SEC14L2: variants seen among roughly 807,000 people sequenced by gnomAD.
SEC14L2 encodes SEC14 like lipid binding 2.
A neutral mutation model predicts 56.9 loss-of-function variants in SEC14L2; 50 were observed. The ratio of observed to expected loss-of-function variants is 0.88; its 90% CI spans 0.70 to 1.11. SEC14L2 has a LOEUF of 1.11. SEC14L2 is among the 50% of genes most tolerant of loss of function. SEC14L2 has a pLI of 0.00. For missense variants in SEC14L2, 414 were observed against 500.7 expected, an observed-to-expected ratio of 0.83 and a Z score of 1.65; for synonymous variants, 179 against 188.5, an observed-to-expected ratio of 0.95 and a Z score of 0.41.
chr22:30,406,078 GCT>G (rs1462905416), intron 2 of SEC14L2, among the ~76,000 whole-genome samples: 1 of 152,050 alleles, frequency 6.6e-6, no homozygotes, highest in Non-Finnish European at 1.5e-5. Flanking sequence ...CTGGAGTAAA[GCT>G]CTCTTGACCC....
rs752381363 is a variant in SEC14L2 at position 30,409,228 on chromosome 22, C to T, written c.465C>T (p.Cys155=). 2.4e-5 allele frequency: 38 copies of T among 1,613,144 alleles called. No individual in the cohort carries two copies. Among genetic ancestry groups the T allele is most frequent in the Admixed American group, 1.8e-4 (11 of 59,894 alleles). Reference sequence around the variant, plus strand: ...AGACCATCACCATAATTTATGACTGCGAGGGGCTTGGCCTCAAGCATCTCT... The same window carrying T: ...AGACCATCACCATAATTTATGACTGTGAGGGGCTTGGCCTCAAGCATCTCT... ...KVETITIIYD[C]EGLGLKHLWK... The change falls in exon 6 of 12, where the codon TGC becomes TGT. Residue 155 remains cysteine (C), a synonymous_variant. Transcript: ENST00000615189.
chr22:30,409,651 A>C (rs902540386), intron 7 of SEC14L2, among the ~76,000 whole-genome samples, 165 bp downstream of exon 7: 6 of 152,192 alleles, frequency 3.9e-5, no homozygotes, highest in African/African-American at 1.4e-4. Context: ...TAACCCCAGC[A>C]CTTTGGGAGG....
At chr22:30,416,774 C>G in intron 11 of SEC14L2, 1 of 1,243,454 alleles carries the variant, frequency 8.0e-7, no homozygotes, top group Non-Finnish European at 1.0e-6. Context: ...GCTGGGTGGG[C>G]ATGGGATCAC....
At position 30,422,359 on chromosome 22, in the gene SEC14L2, A is replaced by G. The variant is rs1459422882; in HGVS notation, c.1164A>G (p.Lys388=). The G allele has an allele frequency of 6.2e-7, 1 of 1,614,222 alleles. No homozygotes were observed. Among genetic ancestry groups the G allele is most frequent in the East Asian group, 2.2e-5 (1 of 44,880 alleles). Residue 388 remains lysine, a synonymous_variant, in exon 12 of 12, where the codon AAA becomes AAG. Transcript: ENST00000615189. ...CTGTGGAGGTCCTGCTTCCAGACAAAGCCTCAGAAGAGAAGATGAAACAGC... is the reference window on the plus strand; with the variant it reads ...CTGTGGAGGTCCTGCTTCCAGACAAGGCCTCAGAAGAGAAGATGAAACAGC... ...NFTVEVLLPD[K]ASEEKMKQLG... is the part of the protein sequence containing the mutation.
intron 8 of SEC14L2, 96 bp from the exon 9 acceptor site, chr22:30,415,663 G>T: frequency 9.3e-7 from 1 of 1,078,992 alleles, no homozygotes; most frequent in Non-Finnish European, 1.4e-6. Flanking sequence ...CAATGGATGG[G>T]TTTTTTCTGC....
At position 30,409,124 on chromosome 22, in the gene SEC14L2, G is replaced by GACTGGA. The variant is rs1471299372; in HGVS notation, c.424-60_424-55dup. 4 of 1,413,860 alleles carry GACTGGA rather than the reference G, an allele frequency of 2.8e-6. No homozygotes were observed. The African/African-American group carries it at 5.6e-5, about 20-fold the overall frequency. 87.6% of individuals were successfully genotyped at this position (1,413,860 alleles called of 1,614,324 possible). ...ATGCACAGTGCAATCATTTGGCCTG[G>GACTGGA]ACTGGAACGGGCTTCTGAAGTAGGA... On this transcript the variant is annotated intron_variant, in intron 5 of 11. Coordinates refer to ENST00000615189, the MANE Select transcript of SEC14L2 (RefSeq NM_012429.5).
intron 1 of SEC14L2, chr22:30,397,991 C>T: frequency 2.4e-6 from 1 of 416,784 alleles, no homozygotes; most frequent in Admixed American, 2.7e-5. Flanking sequence ...GAGGTCGGCT[C>T]TTCTCTGGGC....
At chr22:30,412,859 C>CA (rs66730675) in intron 8 of SEC14L2, among the ~76,000 whole-genome samples, 48 of 134,568 alleles carry the variant, frequency 3.6e-4, no homozygotes, top group East Asian at 1.5e-3. Context: ...AAAAAAAAAA[C>CA]AAAAAAAACT....
chr22:30,404,009 C>CAAAAAAAAAAAAAA (rs67366822), intron 2 of SEC14L2, among the ~76,000 whole-genome samples: 48 of 93,222 alleles, frequency 5.1e-4, no homozygotes, highest in Admixed American at 6.6e-4. Context: ...GACTCCGTCT[C>CAAAAAAAAAAAAAA]AAAAAAAAAA....
Position 30,407,404 on chromosome 22 carries a change from T to C in SEC14L2, c.235-11T>C. ...CTGCTGACCAGGTGGCTCCTCTGTGTCTTTGCCCAGGTGATCCAACAGTAT... is the reference window on the plus strand; with the variant it reads ...CTGCTGACCAGGTGGCTCCTCTGTGCCTTTGCCCAGGTGATCCAACAGTAT... On this transcript the variant is annotated splice_polypyrimidine_tract_variant and intron_variant, in intron 4 of 11. Transcript: ENST00000615189. 1 of 1,610,880 alleles carries C rather than the reference T, an allele frequency of 6.2e-7. No individual in the cohort carries two copies. The highest frequency in any genetic ancestry group is 1.1e-5 in the South Asian group (1 of 90,998).
chr22:30,422,504 A>T lies in SEC14L2; in HGVS notation c.*97A>T. On this transcript the variant is annotated 3_prime_UTR_variant, in exon 12 of 12. Coordinates refer to ENST00000615189, the MANE Select transcript of SEC14L2 (RefSeq NM_012429.5). ...TTCGCACAACCCTGAAGCCCAAAGA[A>T]ACTGGGCTGGAGGACAGACCTCAGG... 6.7e-7 allele frequency: 1 copy of T among 1,488,966 alleles called. No individual in the cohort carries two copies. Among genetic ancestry groups the T allele is most frequent in the Non-Finnish European group, 9.1e-7 (1 of 1,097,090 alleles). 92.2% of individuals were successfully genotyped at this position (1,488,966 alleles called of 1,614,324 possible).
rs766948479 is a variant in SEC14L2, at chr22:30,422,431, GC to G, written c.*29del. The stretch of plus-strand genomic sequence containing the variant: ...AACACCTTCTCCTATAGCAGGCCTG[GC>G]CCCCTCAGTGTCTCCCTGTCAATTT... On this transcript the variant is annotated 3_prime_UTR_variant, in exon 12 of 12. Coordinates refer to ENST00000615189, the MANE Select transcript of SEC14L2 (RefSeq NM_012429.5). The G allele has an allele frequency of 1.2e-6, 2 of 1,613,518 alleles. No homozygotes were observed. Among genetic ancestry groups the G allele is most frequent in the Non-Finnish European group, 1.7e-6 (2 of 1,179,750 alleles).
intron 8 of SEC14L2, 90 bp downstream of exon 8, chr22:30,410,769 T>C (rs1934227376): frequency 2.4e-6 from 3 of 1,225,836 alleles, no homozygotes; most frequent in Admixed American, 1.8e-5. Context: ...GCCACCAGGG[T>C]GAAAGCTCCC....
Position 30,415,785 on chromosome 22 carries a change from CATA to C in SEC14L2, c.692_694del (p.His231_Ile232delinsLeu). On this transcript the variant is annotated inframe_deletion, in exon 9 of 12. Coordinates refer to ENST00000615189, the MANE Select transcript of SEC14L2 (RefSeq NM_012429.5). ...AAATTGGAAGGAGGTTTTACTGAAACATATCAGCCCTGACCAGGTGCCTGTGGA... is the reference window on the plus strand; with the variant it reads ...AAATTGGAAGGAGGTTTTACTGAAACTCAGCCCTGACCAGGTGCCTGTGGA... 1 of 1,614,176 alleles carries C rather than the reference CATA, an allele frequency of 6.2e-7. No homozygotes were observed. Among genetic ancestry groups the C allele is most frequent in the South Asian group, 1.1e-5 (1 of 91,086 alleles).
intron 1 of SEC14L2, among the ~76,000 whole-genome samples, chr22:30,399,067 C>G (rs965161383): frequency 2.6e-5 from 4 of 152,138 alleles, no homozygotes; most frequent in Non-Finnish European, 1.5e-5. Context: ...ATCTGCCTGC[C>G]CGCAGACTGG....
chr22:30,407,359 T>C, intron 4 of SEC14L2, 56 bp from the exon 5 acceptor site: 2 of 1,582,098 alleles, frequency 1.3e-6, no homozygotes. Context: ...GGCCCTGTGG[T>C]CCAGGCAAGG....
At chr22:30,409,327 G>A (rs1323932774) in intron 6 of SEC14L2, 45 bp downstream of exon 6, 5 of 1,601,242 alleles carry the variant, frequency 3.1e-6, no homozygotes, top group Non-Finnish European at 4.3e-6. Flanking sequence ...GGAAGGGGAG[G>A]AGGAGTAGAC....
intron 4 of SEC14L2, 35 bp from the exon 5 acceptor site, chr22:30,407,373 GGATGCCT>G (rs765082533): frequency 8.8e-6 from 14 of 1,598,882 alleles, no homozygotes; most frequent in Non-Finnish European, 1.1e-5. Context: ...GGCAAGGTAT[GGATGCCT>G]GCTGACCAGG....
chr22:30,404,784 C>A (rs1206841977), intron 2 of SEC14L2, among the ~76,000 whole-genome samples: 4 of 152,098 alleles, frequency 2.6e-5, no homozygotes, highest in African/African-American at 9.7e-5. Context: ...CAAGAAAGTT[C>A]TTAGGCTGGG....
Sources: gnomAD v4.1 joint callset for allele counts (sites outside exome capture counted in the v4.1 genomes callset) on GRCh38, gnomAD v4.1.1 for gene constraint, MANE v1.5 for transcripts, NCBI Gene and HGNC (gene_info 2026-07-23, HGNC 2026-07-21) for gene names.